Variants in CYFIP1 observed in about 807,000 individuals in gnomAD.
The protein encoded by CYFIP1 is cytoplasmic FMR1-interacting protein 1.
CYFIP1 carries 58 observed loss-of-function variants against 163.5 expected under a neutral mutation model. The ratio of observed to expected loss-of-function variants is 0.35; its 90% CI spans 0.29 to 0.44. The LOEUF is 0.44. Ranked by LOEUF, CYFIP1 falls within the 20% of genes least tolerant of loss-of-function variation. CYFIP1 has a pLI of 1.00. For synonymous variants in CYFIP1, 663 were observed against 660.7 expected (o/e 1.00, Z -0.05); for missense variants, 1,338 against 1,653.8 (o/e 0.81, Z 3.31).
At chr15:22,959,954 G>A (rs2062619425) in intron 1 of CYFIP1, among the ~76,000 whole-genome samples, 2 of 152,148 alleles carry the variant, frequency 1.3e-5, no homozygotes, top group African/African-American at 2.4e-5. Flanking sequence ...CTGAATCCCC[G>A]AATCCCCACG....
At chr15:22,919,540 A>G (rs566339128) in intron 13 of CYFIP1, among the ~76,000 whole-genome samples, 6 of 152,212 alleles carry the variant, frequency 3.9e-5, no homozygotes, top group African/African-American at 1.4e-4. Flanking sequence ...AGGCCTAGAA[A>G]TCTCTCTGAA....
At chr15:22,944,415 C>T in intron 5 of CYFIP1, 143 bp downstream of exon 5, 2 of 625,028 alleles carry the variant, frequency 3.2e-6, no homozygotes, top group Non-Finnish European at 2.8e-6. Context: ...CTGTCAAAGG[C>T]TTGGTCCCTT....
chr15:22,966,593 C>T (rs757798566), intron 1 of CYFIP1, among the ~76,000 whole-genome samples: 4 of 151,956 alleles, frequency 2.6e-5, no homozygotes, highest in Non-Finnish European at 5.9e-5. Context: ...GTTTTGGCAG[C>T]CTTAGCAGAT....
intron 25 of CYFIP1, 53 bp from the exon 26 acceptor site, chr15:22,880,096 A>T (rs2059711127): frequency 6.2e-7 from 1 of 1,608,210 alleles, no homozygotes; most frequent in Admixed American, 1.7e-5. Context: ...GCCGGGCCCT[A>T]GCAGCCTGGG....
intron 26 of CYFIP1, among the ~76,000 whole-genome samples, chr15:22,875,747 C>G (rs1031481373): frequency 6.6e-6 from 1 of 151,724 alleles, no homozygotes; most frequent in Non-Finnish European, 1.5e-5. Flanking sequence ...GTAGGGGTGG[C>G]CTACCCTGGT....
rs920415037 is a variant in CYFIP1, at chr15:22,882,963, C to T, written c.2725G>A (p.Val909Met). 10 of 1,613,898 alleles carry T rather than the reference C, an allele frequency of 6.2e-6. No homozygotes were observed. The highest frequency in any genetic ancestry group is 5.3e-5 in the African/African-American group (4 of 74,882). ...SSIYGSYRNF[V>M]GPPHFQVICR... ...ATGACTTGAAAGTGTGGAGGTCCCACGAAGTTCCGGTAGCTGCCGTAAATG... is the reference window on the plus strand; with the variant it reads ...ATGACTTGAAAGTGTGGAGGTCCCATGAAGTTCCGGTAGCTGCCGTAAATG... The change falls in exon 24 of 31, where the codon GTG becomes ATG. Residue 909 changes from valine to methionine, a missense_variant. Around this residue, in one of 4 missense-constraint regions of CYFIP1, gnomAD observed 824 missense variants for 995.7 expected, o/e 0.83. Coordinates refer to ENST00000617928, the MANE Select transcript of CYFIP1 (RefSeq NM_014608.6).
intron 9 of CYFIP1, among the ~76,000 whole-genome samples, chr15:22,934,868 CA>C (rs57985770): frequency 3.3e-5 from 5 of 150,628 alleles, no homozygotes; most frequent in African/African-American, 9.8e-5. Flanking sequence ...CAACAGCATC[CA>C]AAAAAAAATG....
intron 1 of CYFIP1, among the ~76,000 whole-genome samples, chr15:22,954,373 T>C (rs922161247): frequency 2.6e-5 from 4 of 152,046 alleles, no homozygotes; most frequent in African/African-American, 9.7e-5. Flanking sequence ...TAGGACGGAG[T>C]CACCCAGGTG....
At chr15:22,918,324 T>C (rs1379299659) in intron 14 of CYFIP1, among the ~76,000 whole-genome samples, 1 of 152,088 alleles carries the variant, frequency 6.6e-6, no homozygotes, top group Non-Finnish European at 1.5e-5. Context: ...GTCACCCACA[T>C]GACCAGAGCC....
At chr15:22,944,704 C>G (rs749740878) in intron 4 of CYFIP1, 45 bp from the exon 5 acceptor site, 1 of 1,572,946 alleles carries the variant, frequency 6.4e-7, no homozygotes, top group Admixed American at 1.7e-5. Flanking sequence ...TTTGATCCAG[C>G]CAGAAGCAGC....
rs767402987 is a variant in CYFIP1 at position 22,917,779 on chromosome 15, G to A, written c.1674+9C>T. The A allele has an allele frequency of 6.3e-7, 1 of 1,595,678 alleles. No homozygotes were observed. Among genetic ancestry groups the A allele is most frequent in the Non-Finnish European group, 8.5e-7 (1 of 1,171,294 alleles). Reference sequence around the variant, plus strand: ...GAGAGGGTGCAGGCGGGGCTCAAGGGACGAGAACCTGAGTGCTGGAGGGTC... The same window carrying A: ...GAGAGGGTGCAGGCGGGGCTCAAGGAACGAGAACCTGAGTGCTGGAGGGTC... On this transcript the variant is annotated intron_variant, in intron 15 of 30. Transcript: ENST00000617928. This position sits in a 1 kb window ranked among gnomAD's most constrained non-coding sequence, Gnocchi z 4.2.
chr15:22,970,263 C>G (rs1293745171), intron 1 of CYFIP1, among the ~76,000 whole-genome samples: 3 of 151,982 alleles, frequency 2.0e-5, no homozygotes, highest in African/African-American at 4.8e-5. Flanking sequence ...GACTTACACA[C>G]TAAAAAATAT....
intron 20 of CYFIP1, 139 bp downstream of exon 20, chr15:22,910,381 T>A: frequency 3.1e-6 from 2 of 650,432 alleles, no homozygotes; most frequent in Non-Finnish European, 5.3e-6. Flanking sequence ...AGGCTGGTCT[T>A]GAACTCCTAA....
At chr15:22,907,443 G>A in intron 21 of CYFIP1, among the ~76,000 whole-genome samples, 1 of 152,190 alleles carries the variant, frequency 6.6e-6, no homozygotes. Context: ...TGGATAAAGG[G>A]AAAAGCCCTA....
intron 1 of CYFIP1, among the ~76,000 whole-genome samples, chr15:22,951,001 G>T (rs2062230841): frequency 6.6e-6 from 1 of 152,212 alleles, no homozygotes; most frequent in Non-Finnish European, 1.5e-5. Flanking sequence ...ACCAATTAAA[G>T]TTCGTCACTG....
intron 1 of CYFIP1, among the ~76,000 whole-genome samples, chr15:22,948,789 AAGACACACT>A (rs2062144391): frequency 6.9e-6 from 1 of 144,552 alleles, no homozygotes; most frequent in East Asian, 2.1e-4. Context: ...TCAAAACTAA[AAGACACACT>A]ACTGAAATGT....
intron 30 of CYFIP1, 160 bp downstream of exon 30, chr15:22,872,665 A>G: frequency 1.5e-6 from 1 of 676,534 alleles, no homozygotes; most frequent in Non-Finnish European, 2.5e-6. Flanking sequence ...TTTACTGGCC[A>G]ATTATATTTA....
At position 22,909,252 on chromosome 15, in the gene CYFIP1, T is replaced by C. The variant is rs138734959; in HGVS notation, c.2330A>G (p.Tyr777Cys). 7.5e-4 allele frequency: 1,218 copies of C among 1,614,082 alleles called. 3 individuals are homozygous for C. The highest frequency in any genetic ancestry group is 9.8e-4 in the Non-Finnish European group (1,159 of 1,180,034). Residue 777 changes from tyrosine (Y) to cysteine (C), a missense_variant, in exon 21 of 31, where the codon TAT becomes TGT. This residue lies in a region of CYFIP1 where 824 missense variants were observed against 995.7 expected (regional missense o/e 0.83). Coordinates refer to ENST00000617928, the MANE Select transcript of CYFIP1 (RefSeq NM_014608.6). The stretch of plus-strand genomic sequence containing the variant: ...TCCAATCGCCAGTTCTAGGGACTTA[T>C]ACATGGCTGCTGAGACGCGCTGGGT... ...LITQRVSAAMYKSLELAIGRF... is the reference protein window; with the variant it reads ...LITQRVSAAMCKSLELAIGRF...
At position 22,903,391 on chromosome 15, in the gene CYFIP1, C is replaced by T. The variant is rs368194190; in HGVS notation, c.2588+315G>A. On this transcript the variant is annotated intron_variant, in intron 22 of 30. Coordinates refer to ENST00000617928, the MANE Select transcript of CYFIP1 (RefSeq NM_014608.6). Reference sequence around the variant, plus strand: ...TGGGCGGTGGGTGGGAGGGTGGCTTCCCCACACTCCAACATGCCAGCACGG... The same window carrying T: ...TGGGCGGTGGGTGGGAGGGTGGCTTTCCCACACTCCAACATGCCAGCACGG... Among the ~76,000 whole-genome samples, 36 of 152,274 alleles carry T rather than the reference C, an allele frequency of 2.4e-4. 1 individual carries two copies. Among genetic ancestry groups the T allele is most frequent in the African/African-American group, 8.4e-4 (35 of 41,558 alleles).
Sources: allele counts gnomAD v4.1 joint callset (sites outside exome capture counted in the v4.1 genomes callset), GRCh38; gene constraint gnomAD v4.1.1; regional missense constraint gnomAD v4.1.1; non-coding constraint Gnocchi (gnomAD v3.1); transcripts MANE v1.5; gene names NCBI Gene and HGNC (gene_info 2026-07-23, HGNC 2026-07-21).